The following SPAG16 variants were observed in gnomAD, a reference collection of about 807,000 sequenced individuals.
SPAG16 encodes sperm associated antigen 16, also known as sperm-associated antigen 16 protein.
Under a neutral mutation model 80.4 loss-of-function variants are expected in SPAG16, and 86 were observed. The ratio of observed to expected loss-of-function variants is 1.07; its 90% CI spans 0.90 to 1.28. SPAG16 has a LOEUF of 1.28. Ranked by LOEUF, SPAG16 falls within the 50% of genes most tolerant of loss-of-function variation. The pLI is 0.00. For missense variants in SPAG16, 870 were observed against 765.3 expected (o/e 1.14, Z -1.61); for synonymous variants, 294 against 265.9 (o/e 1.11, Z -1.03).
At chr2:214,408,195 A>G (rs1702105115) in intron 15 of SPAG16, among the ~76,000 whole-genome samples, 1 of 152,196 alleles carries the variant, frequency 6.6e-6, no homozygotes, top group South Asian at 2.1e-4. Context: ...AATGATTTAA[A>G]GCTAAATATT....
At chr2:213,844,670 A>C (rs541919970) in intron 10 of SPAG16, among the ~76,000 whole-genome samples, 21 of 152,356 alleles carry the variant, frequency 1.4e-4, no homozygotes, top group African/African-American at 4.6e-4. Flanking sequence ...GATTATTAAT[A>C]AGGTGTAGGG....
chr2:213,486,826 A>G (rs1559181382), intron 9 of SPAG16, among the ~76,000 whole-genome samples: 1 of 152,104 alleles, frequency 6.6e-6, no homozygotes, highest in Non-Finnish European at 1.5e-5. Context: ...GAAACAATTC[A>G]TGATGAATTT....
At chr2:213,804,437 A>G (rs1315339368) in intron 10 of SPAG16, among the ~76,000 whole-genome samples, 1 of 152,102 alleles carries the variant, frequency 6.6e-6, no homozygotes, top group Non-Finnish European at 1.5e-5. Context: ...TAATCCCAGC[A>G]CTTTGGGAGG....
At position 214,293,305 on chromosome 2, in the gene SPAG16, G is replaced by T. The variant is rs146486580; in HGVS notation, c.1721-116835G>T. ...TTGGTGTTGTCAGTGGCTGCAACAG[G>T]CTGGATGGGCAAGTCCCTTGACCTG... On this transcript the variant is annotated intron_variant, in intron 15 of 15. Coordinates refer to ENST00000331683, the MANE Select transcript of SPAG16 (RefSeq NM_024532.5). Among the ~76,000 whole-genome samples, 4 of 152,318 alleles carry T rather than the reference G, an allele frequency of 2.6e-5. No individual in the cohort carries two copies. The East Asian group carries it at 7.7e-4, about 29-fold the overall frequency.
In SPAG16 at chr2:213,317,350, C is replaced by T. The variant is rs757140765; in HGVS notation, c.530C>T (p.Ala177Val). Residue 177 changes from alanine (A) to valine (V), a missense_variant, in exon 5 of 16, where the codon GCA (alanine) becomes GTA (valine). Coordinates refer to ENST00000331683, the MANE Select transcript of SPAG16 (RefSeq NM_024532.5). ...AAAGATTTGAAGCACTACAAACAAGCAGCTGAGTATGTTATTTTTTAAATG... is the reference window on the plus strand; with the variant it reads ...AAAGATTTGAAGCACTACAAACAAGTAGCTGAGTATGTTATTTTTTAAATG... ...LKKDLKHYKQ[A>V]ADKAREDLLK... The T allele has an allele frequency of 1.2e-6, 2 of 1,605,930 alleles. No homozygotes were observed. The highest frequency in any genetic ancestry group is 4.5e-5 in the East Asian group (2 of 44,660).
chr2:213,807,134 C>T (rs1002224371), intron 10 of SPAG16, among the ~76,000 whole-genome samples: 8 of 152,126 alleles, frequency 5.3e-5, no homozygotes, highest in African/African-American at 1.9e-4. Flanking sequence ...CCAACTAACA[C>T]ACTATTTTGG....
At chr2:213,751,496 G>T (rs1378571747) in intron 10 of SPAG16, among the ~76,000 whole-genome samples, 1 of 152,186 alleles carries the variant, frequency 6.6e-6, no homozygotes, top group African/African-American at 2.4e-5. Context: ...TAATGGTGTA[G>T]CCACCCAGGT....
intron 10 of SPAG16, among the ~76,000 whole-genome samples, chr2:213,573,379 G>C (rs2059999717): frequency 6.6e-6 from 1 of 152,138 alleles, no homozygotes; most frequent in African/African-American, 2.4e-5. Context: ...ACATCTCTCT[G>C]TTCTTCAACA....
chr2:213,348,758 G>T (rs1305370802), intron 6 of SPAG16, among the ~76,000 whole-genome samples: 2 of 152,208 alleles, frequency 1.3e-5, no homozygotes, highest in Admixed American at 1.3e-4. Context: ...CTGTTAGTCT[G>T]ATGGGCTTCC....
chr2:214,009,899 AAACC>A (rs1300634660), intron 12 of SPAG16, among the ~76,000 whole-genome samples: 1 of 152,118 alleles, frequency 6.6e-6, no homozygotes, highest in Non-Finnish European at 1.5e-5. Context: ...TAATAAAAAG[AAACC>A]AACCAGATTT....
chr2:213,681,623 G>A (rs2064387674), intron 10 of SPAG16, among the ~76,000 whole-genome samples: 2 of 152,134 alleles, frequency 1.3e-5, no homozygotes, highest in Non-Finnish European at 2.9e-5. Flanking sequence ...TAAAATAGAT[G>A]TGGAGACACA....
intron 10 of SPAG16, among the ~76,000 whole-genome samples, chr2:213,561,546 CCTA>C (rs2059598503): frequency 6.6e-6 from 1 of 152,082 alleles, no homozygotes; most frequent in Non-Finnish European, 1.5e-5. Flanking sequence ...AATGTATACA[CCTA>C]CTATGTACCC....
chr2:213,292,887 G>T (rs1361580009), intron 1 of SPAG16, among the ~76,000 whole-genome samples: 1 of 151,990 alleles, frequency 6.6e-6, no homozygotes, highest in African/African-American at 2.4e-5. Flanking sequence ...TATAAGCCAG[G>T]CACTAATCTA....
chr2:214,044,141 T>C (rs182730277), intron 13 of SPAG16, among the ~76,000 whole-genome samples: 9 of 152,308 alleles, frequency 5.9e-5, no homozygotes, highest in African/African-American at 1.9e-4. Context: ...TTCTTGTTGT[T>C]TTCCAATTTC....
At chr2:213,576,808 T>C (rs1485072654) in intron 10 of SPAG16, among the ~76,000 whole-genome samples, 1 of 151,638 alleles carries the variant, frequency 6.6e-6, no homozygotes, top group African/African-American at 2.4e-5. Flanking sequence ...CATAGACACA[T>C]AGAGGGGAAC....
chr2:213,956,551 G>C (rs893590942), intron 12 of SPAG16, among the ~76,000 whole-genome samples: 3 of 148,900 alleles, frequency 2.0e-5, no homozygotes, highest in African/African-American at 7.4e-5. Context: ...AGATTCAAGC[G>C]ATTCTCCTGC....
intron 14 of SPAG16, among the ~76,000 whole-genome samples, chr2:214,141,330 G>T (rs968771058): frequency 6.6e-6 from 1 of 151,876 alleles, no homozygotes; most frequent in Non-Finnish European, 1.5e-5. Flanking sequence ...AGCCAGGCAC[G>T]GTGGCATGTG....
At chr2:214,053,276 A>C (rs1427194106) in intron 13 of SPAG16, among the ~76,000 whole-genome samples, 2 of 152,232 alleles carry the variant, frequency 1.3e-5, no homozygotes, top group East Asian at 3.8e-4. Context: ...GAAATTTGGA[A>C]TCTATATTAA....
chr2:213,331,419 C>A (rs1341174816), intron 5 of SPAG16, among the ~76,000 whole-genome samples: 1 of 152,228 alleles, frequency 6.6e-6, no homozygotes, highest in Non-Finnish European at 1.5e-5. Flanking sequence ...ATGCACCCAA[C>A]ACTGGAGCAC....
Sources: gnomAD v4.1 joint callset for allele counts (sites outside exome capture counted in the v4.1 genomes callset) on GRCh38, gnomAD v4.1.1 for gene constraint, MANE v1.5 for transcripts, NCBI Gene and HGNC (gene_info 2026-07-23, HGNC 2026-07-21) for gene names.